The following COL5A1 variants were observed in gnomAD, a reference collection of about 807,000 sequenced individuals.
COL5A1 encodes the protein collagen type V alpha 1 chain.
A neutral mutation model predicts 263.7 loss-of-function variants in COL5A1; 16 were observed. The observed-to-expected ratio is 0.06, with a 90% CI of 0.04 to 0.09. The LOEUF (loss-of-function observed/expected upper bound fraction) is 0.09, where lower values mean the gene tolerates loss of function less well. Ranked by LOEUF, COL5A1 falls within the 10% of genes least tolerant of loss-of-function variation. The pLI, the probability that COL5A1 is intolerant of heterozygous loss-of-function variation, is 1.00. For missense variants in COL5A1, 2,036 were observed against 2,540.5 expected (o/e 0.80, Z 4.27); for synonymous variants, 1,012 against 1,004.5 (o/e 1.01, Z -0.14).
intron 18 of COL5A1, among the ~76,000 whole-genome samples, chr9:134,761,268 CGCAT>C (rs1318008185): frequency 3.3e-5 from 5 of 151,826 alleles, no homozygotes; most frequent in African/African-American, 1.2e-4. Flanking sequence ...CACGTGCACT[CGCAT>C]ACACACATGC....
chr9:134,718,129 G>A (rs543749954), intron 4 of COL5A1, among the ~76,000 whole-genome samples: 6 of 152,306 alleles, frequency 3.9e-5, no homozygotes, highest in Non-Finnish European at 7.3e-5. Context: ...CAACAGAGAC[G>A]CAGCCTGGAT....
intron 63 of COL5A1, among the ~76,000 whole-genome samples, chr9:134,828,552 G>A (rs113551406): frequency 0.072 from 7,079 of 98,118 alleles, 390 homozygotes; most frequent in African/African-American, 0.21. Flanking sequence ...ACAGAGATAC[G>A]CACCACACAC....
intron 29 of COL5A1, among the ~76,000 whole-genome samples, chr9:134,783,488 C>G (rs532055571): frequency 1.3e-5 from 2 of 152,200 alleles, no homozygotes; most frequent in South Asian, 4.2e-4. Flanking sequence ...GGAGGTTTCC[C>G]CAGTAACCTC....
intron 4 of COL5A1, among the ~76,000 whole-genome samples, chr9:134,725,643 A>G (rs2132629052): frequency 6.6e-6 from 1 of 152,196 alleles, no homozygotes; most frequent in East Asian, 1.9e-4. Context: ...TTGTTTACAC[A>G]TCATGGTTAG....
intron 1 of COL5A1, among the ~76,000 whole-genome samples, chr9:134,666,474 T>C (rs1832361278): frequency 1.3e-5 from 2 of 152,094 alleles, no homozygotes. Context: ...GGGCCTTGGG[T>C]GTCAGTGGGC....
rs751787855 is a variant in COL5A1 at position 134,774,852 on chromosome 9, G to A, written c.2332-7G>A. On this transcript the variant is annotated splice_polypyrimidine_tract_variant and splice_region_variant and intron_variant, in intron 26 of 65. Coordinates refer to ENST00000371817, the MANE Select transcript of COL5A1 (RefSeq NM_000093.5). ...GGGGCTAACGGTCTTTTTCTGTTTG[G>A]TTTTAGGGTCCACCTGGCCCCCAGG... is the stretch of plus-strand genomic sequence containing the variant. The A allele has an allele frequency of 6.2e-7, 1 of 1,613,548 alleles. No homozygotes were observed. The highest frequency in any genetic ancestry group is 8.5e-7 in the Non-Finnish European group (1 of 1,179,818).
At chr9:134,792,754 C>T (rs1368197110) in intron 32 of COL5A1, among the ~76,000 whole-genome samples, 4 of 141,868 alleles carry the variant, frequency 2.8e-5, no homozygotes, top group Admixed American at 1.4e-4. Context: ...CGCATGCATG[C>T]GTGCATGTGT....
chr9:134,773,451 G>T (rs999496689), intron 26 of COL5A1, among the ~76,000 whole-genome samples: 1 of 152,186 alleles, frequency 6.6e-6, no homozygotes, highest in African/African-American at 2.4e-5. Context: ...TTGCTGTCCT[G>T]GTGTGCGCCA....
At chr9:134,759,028 C>T (rs577206812) in intron 18 of COL5A1, among the ~76,000 whole-genome samples, 268 of 152,230 alleles carry the variant, frequency 1.8e-3, no homozygotes, top group Non-Finnish European at 3.2e-3. Flanking sequence ...GGGGAAGGCT[C>T]GTCCTGGCCG....
intron 10 of COL5A1, 39 bp from the exon 11 acceptor site, chr9:134,738,707 C>T (rs774198566): frequency 1.3e-6 from 2 of 1,570,364 alleles, no homozygotes; most frequent in South Asian, 1.1e-5. Flanking sequence ...GCCCTGCGGC[C>T]CCATCTTCTA....
At chr9:134,712,058 T>TTCCG (rs1834067982) in intron 4 of COL5A1, among the ~76,000 whole-genome samples, 1 of 13,404 alleles carries the variant, frequency 7.5e-5, no homozygotes, top group Admixed American at 1.2e-3. Flanking sequence ...TCTTCCTTCC[T>TTCCG]CCCTCCTTCC....
intron 4 of COL5A1, chr9:134,708,600 T>G (rs1043360327): frequency 1.9e-6 from 1 of 518,848 alleles, no homozygotes; most frequent in Non-Finnish European, 3.8e-6. Flanking sequence ...ACCCTGGCAG[T>G]GCTGAGGCAG....
At chr9:134,809,019 T>C (rs1184545575) in intron 42 of COL5A1, 164 bp from the exon 43 acceptor site, 5 of 690,524 alleles carry the variant, frequency 7.2e-6, no homozygotes, top group Non-Finnish European at 1.3e-5. Flanking sequence ...GGGCTCAGAG[T>C]CGGCCCTCAG....
chr9:134,795,446 G>A (rs1264045294), intron 34 of COL5A1, 131 bp downstream of exon 34: 1 of 787,652 alleles, frequency 1.3e-6, no homozygotes, highest in Admixed American at 2.8e-5. Flanking sequence ...ATTTTCTTAG[G>A]TGTGTTTAAG....
intron 27 of COL5A1, 91 bp downstream of exon 27, chr9:134,775,003 G>C: frequency 1.7e-6 from 2 of 1,184,166 alleles, no homozygotes; most frequent in South Asian, 2.6e-5. Flanking sequence ...AATTCTCTGT[G>C]GTTTAATGTC....
Position 134,767,179 on chromosome 9 carries a change from G to A in COL5A1, c.2187+126G>A, listed in dbSNP as rs1836705584. ...CAAGTAGCAGCCCCTCCCCTTATCT[G>A]GAGGGAGACTAGGACCTGGGTTGGT... On this transcript the variant is annotated intron_variant, in intron 23 of 65. Transcript: ENST00000371817. The A allele has an allele frequency of 4.2e-5, 60 of 1,416,402 alleles. No individual in the cohort carries two copies. In the South Asian group the frequency reaches 6.4e-4, roughly 15 times the overall value. 87.7% of individuals were successfully genotyped at this position (1,416,402 alleles called of 1,614,324 possible). A position where few individuals can be genotyped will look rare whatever the true frequency, so the allele number is the denominator to read the frequency against.
intron 29 of COL5A1, among the ~76,000 whole-genome samples, chr9:134,783,700 C>T (rs937085783): frequency 1.2e-4 from 19 of 152,136 alleles, no homozygotes; most frequent in African/African-American, 4.6e-4. Context: ...CTTGGCACTT[C>T]GTCCCAACCT....
At position 134,758,366 on chromosome 9, in the gene COL5A1, C is replaced by A; in HGVS notation, c.1935+70C>A. The A allele has an allele frequency of 1.3e-6, 2 of 1,501,316 alleles. No individual in the cohort carries two copies. Among genetic ancestry groups the A allele is most frequent in the East Asian group, 2.3e-5 (1 of 44,206 alleles). 93.0% of individuals were successfully genotyped at this position (1,501,316 alleles called of 1,614,324 possible). Reference sequence around the variant, plus strand: ...GAGGTGTCTCTCGGGAGGCCCTTCTCCTTCCAGGCAGCCTCAGATTTCCTG... The same window carrying A: ...GAGGTGTCTCTCGGGAGGCCCTTCTACTTCCAGGCAGCCTCAGATTTCCTG... On this transcript the variant is annotated intron_variant, in intron 18 of 65. Transcript: ENST00000371817. The surrounding 1 kb of genome is among the most constrained non-coding windows in gnomAD (Gnocchi z 4.1).
At chr9:134,760,769 A>C (rs12000090) in intron 18 of COL5A1, among the ~76,000 whole-genome samples, 1 of 136,158 alleles carries the variant, frequency 7.3e-6, no homozygotes, top group Admixed American at 7.4e-5. Flanking sequence ...ACATACACGA[A>C]CACCACCTAC....
Sources: allele counts gnomAD v4.1 joint callset (sites outside exome capture counted in the v4.1 genomes callset), GRCh38; gene constraint gnomAD v4.1.1; non-coding constraint Gnocchi (gnomAD v3.1); transcripts MANE v1.5; gene names NCBI Gene and HGNC (gene_info 2026-07-23, HGNC 2026-07-21).